Variants in NFYC observed in about 807,000 individuals in gnomAD.
NFYC encodes the protein nuclear transcription factor Y subunit gamma.
In NFYC, 25 loss-of-function variants were observed where a neutral mutation model predicts 53.1. The observed-to-expected ratio is 0.47, with a 90% confidence interval of 0.34 to 0.66. NFYC has a LOEUF of 0.66. Among genes scored for constraint, NFYC ranks in the 30% least tolerant of loss-of-function variants. The pLI, the probability that NFYC is intolerant of heterozygous loss-of-function variation, is 0.01. For synonymous variants in NFYC, 145 were observed against 152.6 expected, an observed-to-expected ratio of 0.95 and a Z score of 0.37; for missense variants, 260 against 422.7, an observed-to-expected ratio of 0.62 and a Z score of 3.38.
In NFYC at chr1:40,757,249, CAG is replaced by C. The variant is rs774713226; in HGVS notation, c.388-871_388-870del. On this transcript the variant is annotated intron_variant, in intron 5 of 9. Coordinates refer to ENST00000447388, the MANE Select transcript of NFYC (RefSeq NM_014223.5). ...TCAGACGCCGTTCTGTGTCAGTGGT[CAG>C]GGGCTGATCAACCCTGGACCCTGTG... 35 of 483,600 alleles carry C rather than the reference CAG, an allele frequency of 7.2e-5. No homozygotes were observed. In the East Asian group the frequency reaches 1.2e-3, roughly 17 times the overall value. 30.0% of individuals were successfully genotyped at this position (483,600 alleles called of 1,614,324 possible).
At chr1:40,754,725 T>G (rs552444729) in intron 5 of NFYC, among the ~76,000 whole-genome samples, 2 of 152,316 alleles carry the variant, frequency 1.3e-5, no homozygotes, top group African/African-American at 2.4e-5. Context: ...TTGTTTTCTG[T>G]GGGCTGCCTG....
chr1:40,723,444 G>A (rs1170373854), intron 1 of NFYC, among the ~76,000 whole-genome samples: 1 of 152,136 alleles, frequency 6.6e-6, no homozygotes, highest in East Asian at 1.9e-4. Flanking sequence ...GGGTCAGAGA[G>A]ACTAACAGAT....
intron 2 of NFYC, among the ~76,000 whole-genome samples, chr1:40,746,564 T>C (rs921292822): frequency 6.6e-6 from 1 of 152,202 alleles, no homozygotes; most frequent in South Asian, 2.1e-4. Flanking sequence ...TGAGTCACAT[T>C]TCAGACCACT....
chr1:40,712,825 T>C (rs1241045958), intron 1 of NFYC: 1 of 151,910 alleles, frequency 6.6e-6, no homozygotes, highest in African/African-American at 2.4e-5. Flanking sequence ...ACTACAGGCA[T>C]GTGCCACCGT....
intron 5 of NFYC, among the ~76,000 whole-genome samples, chr1:40,756,842 G>A (rs1468761379): frequency 2.0e-5 from 3 of 152,248 alleles, no homozygotes; most frequent in African/African-American, 4.8e-5. Context: ...GGATAGCAGA[G>A]AGCAAGAGAG....
intron 1 of NFYC, among the ~76,000 whole-genome samples, chr1:40,724,627 A>G (rs1454740362): frequency 6.6e-6 from 1 of 152,200 alleles, no homozygotes; most frequent in Non-Finnish European, 1.5e-5. Flanking sequence ...AAGATGTTAC[A>G]TATCGTTTTC....
intron 1 of NFYC, among the ~76,000 whole-genome samples, chr1:40,707,861 A>C (rs2148440577): frequency 6.6e-6 from 1 of 151,834 alleles, no homozygotes; most frequent in African/African-American, 2.4e-5. Context: ...AAAAAAAAAA[A>C]AAAAAGAATG....
chr1:40,700,239 T>C (rs1488188572), intron 1 of NFYC, among the ~76,000 whole-genome samples: 1 of 152,220 alleles, frequency 6.6e-6, no homozygotes, highest in African/African-American at 2.4e-5. Context: ...GCAGGTACCA[T>C]TTTTTGAGTA....
At chr1:40,702,049 T>C (rs987695745) in intron 1 of NFYC, among the ~76,000 whole-genome samples, 3 of 152,190 alleles carry the variant, frequency 2.0e-5, no homozygotes, top group Non-Finnish European at 4.4e-5. Context: ...ACCCCATCCA[T>C]AGCTTCTGAG....
At chr1:40,750,162 A>T (rs1176445149) in intron 4 of NFYC, among the ~76,000 whole-genome samples, 10 of 149,516 alleles carry the variant, frequency 6.7e-5, no homozygotes, top group African/African-American at 2.2e-4. Context: ...TTTTTTTTTT[A>T]ATTTTAATTT....
intron 4 of NFYC, among the ~76,000 whole-genome samples, chr1:40,750,142 TTTC>T (rs769859403): frequency 6.2e-4 from 95 of 152,226 alleles, no homozygotes; most frequent in South Asian, 3.5e-3. Flanking sequence ...TCCTTTTCTT[TTTC>T]TTCTTCTTTT....
chr1:40,718,607 A>G (rs111913277), intron 1 of NFYC, among the ~76,000 whole-genome samples: 1 of 152,252 alleles, frequency 6.6e-6, no homozygotes, highest in Non-Finnish European at 1.5e-5. Context: ...AAAGCATGGT[A>G]CAAGTAGATA....
intron 1 of NFYC, among the ~76,000 whole-genome samples, chr1:40,719,004 TG>T (rs1644240141): frequency 6.6e-6 from 1 of 152,306 alleles, no homozygotes; most frequent in East Asian, 1.9e-4. Context: ...CCCGAGTAGC[TG>T]GGACTACAGA....
chr1:40,709,402 A>C (rs181703225), intron 1 of NFYC: 1 of 152,258 alleles, frequency 6.6e-6, no homozygotes, highest in African/African-American at 2.4e-5. Context: ...GGCAGGGGTC[A>C]GCTGAAAGAC....
intron 2 of NFYC, among the ~76,000 whole-genome samples, chr1:40,740,121 GGA>G (rs1205753002): frequency 6.6e-6 from 1 of 152,164 alleles, no homozygotes; most frequent in Admixed American, 6.5e-5. Context: ...ACATACTAAA[GGA>G]GCTCCCCATG....
At chr1:40,746,697 T>C (rs1645622696) in intron 2 of NFYC, among the ~76,000 whole-genome samples, 1 of 152,170 alleles carries the variant, frequency 6.6e-6, no homozygotes, top group Admixed American at 6.5e-5. Context: ...TTTCCTAGAA[T>C]TGCATCCATC....
intron 7 of NFYC, chr1:40,763,349 TTTTTTC>T (rs1319919721): frequency 2.4e-5 from 11 of 457,450 alleles, no homozygotes; most frequent in Non-Finnish European, 4.4e-5. Flanking sequence ...GCATAATCCT[TTTTTTC>T]TTTTTAGGAG....
rs78884784 is a variant in NFYC, at chr1:40,697,560, C to T, written c.-9+5693C>T. 3.3e-3 allele frequency among the ~76,000 whole-genome samples: 510 copies of T among 152,300 alleles called. 3 individuals carry two copies. Among genetic ancestry groups the T allele is most frequent in the African/African-American group, 0.011 (444 of 41,570 alleles). ...GCGATGAAAACTTCTTCATATTTGA[C>T]AAATAGCAATGATGATTAAATTCGG... On this transcript the variant is annotated intron_variant, in intron 1 of 9. Coordinates refer to ENST00000447388, the MANE Select transcript of NFYC (RefSeq NM_014223.5).
intron 1 of NFYC, among the ~76,000 whole-genome samples, chr1:40,717,526 A>G (rs945480522): frequency 2.6e-5 from 4 of 152,168 alleles, no homozygotes; most frequent in Non-Finnish European, 5.9e-5. Flanking sequence ...GACAAGTTCA[A>G]CTAAATGAGG....
Sources: gnomAD v4.1 joint callset for allele counts (sites outside exome capture counted in the v4.1 genomes callset) on GRCh38, gnomAD v4.1.1 for gene constraint, MANE v1.5 for transcripts, NCBI Gene and HGNC (gene_info 2026-07-23, HGNC 2026-07-21) for gene names.